The following TOGARAM1 variants were observed in gnomAD, a reference collection of about 807,000 sequenced individuals.
The protein encoded by TOGARAM1 is TOG array regulator of axonemal microtubules 1, also known as TOG array regulator of axonemal microtubules protein 1.
Under a neutral mutation model 166.6 loss-of-function variants are expected in TOGARAM1, and 100 were observed. That is an observed-to-expected ratio of 0.60 (90% CI 0.51 to 0.71). TOGARAM1 has a LOEUF of 0.71. TOGARAM1 is among the 30% of genes least tolerant of loss of function. The probability of loss-of-function intolerance (pLI) is 0.00; values close to 1 mark genes in which losing one functional copy is unlikely to be tolerated. For missense variants in TOGARAM1, 2,029 were observed against 2,102.7 expected (o/e 0.96, Z 0.69); for synonymous variants, 758 against 763.8 (o/e 0.99, Z 0.13).
intron 16 of TOGARAM1, among the ~76,000 whole-genome samples, chr14:45,058,050 C>G (rs919070433): frequency 5.3e-5 from 8 of 152,184 alleles, no homozygotes; most frequent in Admixed American, 6.5e-5. Context: ...TTGAAGTCCA[C>G]ACTCAAAACA....
intron 15 of TOGARAM1, among the ~76,000 whole-genome samples, chr14:45,053,781 T>C (rs909632712): frequency 4.6e-5 from 7 of 152,200 alleles, no homozygotes; most frequent in Admixed American, 6.6e-5. Context: ...TAATGTTGCA[T>C]AGGAACAACA....
intron 19 of TOGARAM1, 86 bp from the exon 20 acceptor site, chr14:45,073,210 T>C: frequency 8.0e-7 from 1 of 1,247,466 alleles, no homozygotes; most frequent in Non-Finnish European, 1.1e-6. Context: ...GGAAGAAGCT[T>C]AGTATATTTT....
intron 11 of TOGARAM1, among the ~76,000 whole-genome samples, chr14:45,040,265 G>A (rs1300367856): frequency 6.6e-6 from 1 of 152,114 alleles, no homozygotes; most frequent in Admixed American, 6.6e-5. Context: ...TGAATTTGAT[G>A]AAATAAAGAA....
intron 16 of TOGARAM1, among the ~76,000 whole-genome samples, chr14:45,058,495 A>G (rs1882752815): frequency 6.6e-6 from 1 of 151,982 alleles, no homozygotes; most frequent in Non-Finnish European, 1.5e-5. Flanking sequence ...GGGTTTCACT[A>G]TGTTGGCCAG....
intron 1 of TOGARAM1, among the ~76,000 whole-genome samples, chr14:44,974,053 C>G (rs1886049847): frequency 6.6e-6 from 1 of 151,816 alleles, no homozygotes; most frequent in African/African-American, 2.4e-5. Flanking sequence ...GGTTAGGTTT[C>G]TGACATTAAT....
intron 11 of TOGARAM1, among the ~76,000 whole-genome samples, chr14:45,036,833 C>T (rs1012587328): frequency 6.6e-6 from 1 of 152,164 alleles, no homozygotes; most frequent in African/African-American, 2.4e-5. Flanking sequence ...TTTCATGCTG[C>T]TGATAAAGAC....
intron 3 of TOGARAM1, among the ~76,000 whole-genome samples, chr14:45,000,506 T>C (rs1887647357): frequency 6.6e-6 from 1 of 152,208 alleles, no homozygotes; most frequent in South Asian, 2.1e-4. Flanking sequence ...CCTCCATTTC[T>C]ATCTAGGTTA....
chr14:45,014,037 C>T (rs995027812), intron 7 of TOGARAM1, among the ~76,000 whole-genome samples: 9 of 147,166 alleles, frequency 6.1e-5, no homozygotes, highest in East Asian at 2.0e-4. Context: ...TCCAAAGTTG[C>T]GTAATCTTTT....
At chr14:45,010,297 A>G (rs935828997) in intron 6 of TOGARAM1, among the ~76,000 whole-genome samples, 10 of 152,140 alleles carry the variant, frequency 6.6e-5, no homozygotes, top group African/African-American at 2.4e-4. Context: ...CTTGTTTTGT[A>G]CTTGGAAGTT....
intron 1 of TOGARAM1, among the ~76,000 whole-genome samples, chr14:44,974,489 T>A (rs959508384): frequency 1.3e-5 from 2 of 152,188 alleles, no homozygotes; most frequent in Non-Finnish European, 2.9e-5. Flanking sequence ...ATTCCTGCCA[T>A]ATCCAATTCT....
chr14:45,003,007 A>C (rs1887758121), intron 3 of TOGARAM1, among the ~76,000 whole-genome samples: 1 of 152,190 alleles, frequency 6.6e-6, no homozygotes, highest in African/African-American at 2.4e-5. Context: ...AATATTTTTA[A>C]ATCTCTAGGA....
intron 16 of TOGARAM1, among the ~76,000 whole-genome samples, chr14:45,062,729 T>C (rs1423863131): frequency 6.6e-6 from 1 of 152,222 alleles, no homozygotes; most frequent in Non-Finnish European, 1.5e-5. Flanking sequence ...GGTAGATTAT[T>C]TGCCCCAGTA....
At chr14:45,044,408 G>T (rs987833500) in intron 12 of TOGARAM1, among the ~76,000 whole-genome samples, 1 of 152,046 alleles carries the variant, frequency 6.6e-6, no homozygotes, top group Non-Finnish European at 1.5e-5. Context: ...AGGCATGGTG[G>T]TGTGCATCTG....
intron 1 of TOGARAM1, among the ~76,000 whole-genome samples, chr14:44,982,813 A>G (rs1886602684): frequency 6.6e-6 from 1 of 152,212 alleles, no homozygotes; most frequent in Non-Finnish European, 1.5e-5. Context: ...CATGTGAGTC[A>G]TTTATTCCTT....
At chr14:44,972,302 T>G (rs2138728473) in intron 1 of TOGARAM1, among the ~76,000 whole-genome samples, 1 of 152,226 alleles carries the variant, frequency 6.6e-6, no homozygotes, top group Middle Eastern at 3.4e-3. Flanking sequence ...AACGTGGTAT[T>G]TCTTTGTTAG....
chr14:45,037,798 C>T (rs1443654252), intron 11 of TOGARAM1, among the ~76,000 whole-genome samples: 5 of 150,708 alleles, frequency 3.3e-5, no homozygotes, highest in Non-Finnish European at 3.0e-5. Flanking sequence ...GAGGCTGAGG[C>T]GGGCGGATCA....
intron 1 of TOGARAM1, chr14:44,978,255 T>C (rs1174872353): frequency 1.3e-5 from 2 of 152,146 alleles, no homozygotes; most frequent in Non-Finnish European, 2.9e-5. Flanking sequence ...CAAATTCCAC[T>C]GTGCCCTCCA....
intron 1 of TOGARAM1, among the ~76,000 whole-genome samples, chr14:44,973,179 T>C (rs1885985087): frequency 6.6e-6 from 1 of 152,122 alleles, no homozygotes; most frequent in South Asian, 2.1e-4. Flanking sequence ...GTGGTTTTAA[T>C]TGAGAATTTA....
At chr14:44,982,730 A>G (rs1886598970) in intron 1 of TOGARAM1, among the ~76,000 whole-genome samples, 1 of 152,212 alleles carries the variant, frequency 6.6e-6, no homozygotes, top group Non-Finnish European at 1.5e-5. Context: ...AATTTGTGCA[A>G]AACTGAGTGG....
Sources: allele counts gnomAD v4.1 joint callset (sites outside exome capture counted in the v4.1 genomes callset), GRCh38; gene constraint gnomAD v4.1.1; transcripts MANE v1.5; gene names NCBI Gene and HGNC (gene_info 2026-07-23, HGNC 2026-07-21).